MBD5: variants seen among roughly 807,000 people sequenced by gnomAD.
MBD5 encodes the protein methyl-CpG-binding domain protein 5.
Under a neutral mutation model 117.3 loss-of-function variants are expected in MBD5, and 13 were observed. The observed-to-expected ratio is 0.11, with a 90% CI of 0.07 to 0.18. The LOEUF is 0.18. Ranked by LOEUF, MBD5 falls within the 10% of genes least tolerant of loss-of-function variation. MBD5 has a pLI of 1.00. For synonymous variants in MBD5, 727 were observed against 766.4 expected, an observed-to-expected ratio of 0.95 and a Z score of 0.85; for missense variants, 1,879 against 2,093.8, an observed-to-expected ratio of 0.90 and a Z score of 2.00.
At chr2:148,440,081 G>C (rs976978466) in intron 4 of MBD5, among the ~76,000 whole-genome samples, 1 of 152,076 alleles carries the variant, frequency 6.6e-6, no homozygotes, top group African/African-American at 2.4e-5. Flanking sequence ...ATCATAATTT[G>C]ATCTTACGAA....
rs550270256 is a variant in MBD5 at position 148,427,845 on chromosome 2, CA to C, written c.-556-30348del. 6.7e-4 allele frequency among the ~76,000 whole-genome samples: 97 copies of C among 144,018 alleles called. 1 individual carries two copies. Among genetic ancestry groups the C allele is most frequent in the African/African-American group, 9.1e-4 (36 of 39,588 alleles). 94.5% of individuals were successfully genotyped at this position (144,018 alleles called of 152,430 possible). A position where few individuals can be genotyped will look rare whatever the true frequency, so the allele number is the denominator to read the frequency against. On this transcript the variant is annotated intron_variant, in intron 4 of 13. Transcript: ENST00000642680. ...AGAAGGAAATACCCAAAAATGTCCA[CA>C]AAAAAAAAAGAGCTATGTATGACAA...
intron 3 of MBD5, among the ~76,000 whole-genome samples, chr2:148,288,766 A>G (rs1701429726): frequency 6.6e-6 from 1 of 152,186 alleles, no homozygotes. Flanking sequence ...AAAGGAAAAA[A>G]AAACAGTAAT....
intron 4 of MBD5, among the ~76,000 whole-genome samples, chr2:148,384,813 C>G (rs1704292050): frequency 1.3e-5 from 2 of 151,948 alleles, no homozygotes; most frequent in African/African-American, 2.4e-5. Flanking sequence ...TGCCACATAT[C>G]TACAACCATC....
At chr2:148,127,532 A>G (rs926893257) in intron 1 of MBD5, among the ~76,000 whole-genome samples, 1 of 152,198 alleles carries the variant, frequency 6.6e-6, no homozygotes, top group African/African-American at 2.4e-5. Context: ...AACAGCTTCC[A>G]GCTTCATGCA....
chr2:148,422,676 A>C (rs1317073001), intron 4 of MBD5, among the ~76,000 whole-genome samples: 1 of 152,170 alleles, frequency 6.6e-6, no homozygotes, highest in Admixed American at 6.5e-5. Flanking sequence ...CAAGGAAGCT[A>C]AGAACATTGA....
intron 4 of MBD5, among the ~76,000 whole-genome samples, chr2:148,410,016 G>A (rs1165377221): frequency 6.6e-6 from 1 of 152,058 alleles, no homozygotes; most frequent in East Asian, 1.9e-4. Context: ...ATCATTTTAT[G>A]TAACTTGTGC....
intron 3 of MBD5, among the ~76,000 whole-genome samples, chr2:148,325,303 G>T (rs201402704): frequency 0.2 from 30,806 of 151,758 alleles, 3,253 homozygotes; most frequent in African/African-American, 0.21. Context: ...TCTCTTTTTT[G>T]GTTGTGTCTC....
intron 4 of MBD5, among the ~76,000 whole-genome samples, chr2:148,437,349 T>A (rs1706184510): frequency 6.6e-6 from 1 of 152,122 alleles, no homozygotes; most frequent in African/African-American, 2.4e-5. Flanking sequence ...CATACCCAAA[T>A]CAAATTATAC....
At chr2:148,310,929 G>C (rs529897143) in intron 3 of MBD5, among the ~76,000 whole-genome samples, 1 of 152,286 alleles carries the variant, frequency 6.6e-6, no homozygotes, top group Non-Finnish European at 1.5e-5. Context: ...GGAGCAGGTT[G>C]TTCAGTTTTC....
Position 148,484,060 on chromosome 2 carries a change from C to A in MBD5, c.3469C>A (p.Pro1157Thr). 6.5e-7 allele frequency: 1 copy of A among 1,548,726 alleles called. No homozygotes were observed. The highest frequency in any genetic ancestry group is 8.7e-7 in the Non-Finnish European group (1 of 1,146,034). ...TATATCTAATAATGCTGGGAATACA[C>A]CTGGTCCAGCTAAACTCAACAGTAA... is the stretch of plus-strand genomic sequence containing the variant. ...LNISNNAGNT[P>T]GPAKLNSNSV... Residue 1157 changes from proline (P) to threonine (T), a missense_variant, in exon 9 of 14, where the codon CCT becomes ACT. Physicochemically the swap from Pro to Thr is conservative, Grantham distance 38. Around this residue, in one of 4 missense-constraint regions of MBD5, gnomAD observed 1,666 missense variants for 1,792.2 expected, o/e 0.93. Coordinates refer to ENST00000642680, the MANE Select transcript of MBD5 (RefSeq NM_001378120.1).
chr2:148,450,348 T>A (rs1706691558), intron 4 of MBD5, among the ~76,000 whole-genome samples: 1 of 152,206 alleles, frequency 6.6e-6, no homozygotes, highest in South Asian at 2.1e-4. Context: ...AGCCTCTAAA[T>A]ACTATGATTA....
chr2:148,297,100 G>A (rs192284370), intron 3 of MBD5, among the ~76,000 whole-genome samples: 2 of 151,910 alleles, frequency 1.3e-5, no homozygotes, highest in East Asian at 3.9e-4. Context: ...GGCCAGGCTG[G>A]TCTGGAACTC....
Position 148,362,879 on chromosome 2 carries a change from G to A in MBD5, c.-557+20543G>A, listed in dbSNP as rs1703583291. ...AGTGGACCTCCAGCAAACTCCAGCA[G>A]ACCTGCAGCAAAGGGGCCTGACTGT... On this transcript the variant is annotated intron_variant, in intron 4 of 13. Coordinates refer to ENST00000642680, the MANE Select transcript of MBD5 (RefSeq NM_001378120.1). Among the ~76,000 whole-genome samples the A allele has an allele frequency of 3.3e-5, 5 of 152,092 alleles. No individual in the cohort carries two copies. The South Asian group carries it at 1.0e-3, about 31-fold the overall frequency.
Position 148,263,935 on chromosome 2 carries a change from C to A in MBD5, c.-680+30540C>A, listed in dbSNP as rs186329984. On this transcript the variant is annotated intron_variant, in intron 3 of 13. Coordinates refer to ENST00000642680, the MANE Select transcript of MBD5 (RefSeq NM_001378120.1). ...GTTACTTCTAATTTCTCTAGCAGTA[C>A]TCCAGCAACCTATGTATAGTATTAG... Among the ~76,000 whole-genome samples, 29 of 152,276 alleles carry A rather than the reference C, an allele frequency of 1.9e-4. No individual in the cohort carries two copies. In the East Asian group the frequency reaches 5.4e-3, roughly 28 times the overall value.
At chr2:148,178,539 A>T (rs1290932777) in intron 1 of MBD5, among the ~76,000 whole-genome samples, 161 bp from the exon 2 acceptor site, 1 of 152,144 alleles carries the variant, frequency 6.6e-6, no homozygotes, top group East Asian at 1.9e-4. Context: ...TCTTAATGTT[A>T]TTGCTGTTTG....
chr2:148,097,051 AC>A (rs1337223338), intron 1 of MBD5, among the ~76,000 whole-genome samples: 2 of 152,196 alleles, frequency 1.3e-5, no homozygotes. Flanking sequence ...ATATTTGGGT[AC>A]ATGACAGTAT....
intron 3 of MBD5, among the ~76,000 whole-genome samples, chr2:148,306,564 G>A (rs1701901086): frequency 6.6e-6 from 1 of 152,056 alleles, no homozygotes; most frequent in Non-Finnish European, 1.5e-5. Context: ...GTTTCGTTTT[G>A]TTTACAAAGA....
chr2:148,100,667 T>G (rs569931169), intron 1 of MBD5, among the ~76,000 whole-genome samples: 61 of 152,340 alleles, frequency 4.0e-4, no homozygotes, highest in African/African-American at 1.4e-3. Context: ...GTGCCATATG[T>G]TCTCTCCTCA....
At position 148,388,179 on chromosome 2, in the gene MBD5, G is replaced by GT. The variant is rs762152512; in HGVS notation, c.-557+45850dup. Among the ~76,000 whole-genome samples, 111 of 152,238 alleles carry GT rather than the reference G, an allele frequency of 7.3e-4. 1 individual carries two copies. Among genetic ancestry groups the GT allele is most frequent in the Non-Finnish European group, 1.1e-3 (78 of 67,990 alleles). ...GTGATTACCTAAATATGTGGTAAAA[G>GT]TTTTTTTCCACACAAAGGAATGGCG... On this transcript the variant is annotated intron_variant, in intron 4 of 13. Coordinates refer to ENST00000642680, the MANE Select transcript of MBD5 (RefSeq NM_001378120.1).
Sources: gnomAD v4.1 joint callset for allele counts (sites outside exome capture counted in the v4.1 genomes callset) on GRCh38, gnomAD v4.1.1 for gene constraint, gnomAD v4.1.1 regional missense constraint, MANE v1.5 for transcripts, NCBI Gene and HGNC (gene_info 2026-07-23, HGNC 2026-07-21) for gene names.